The following LOXHD1 variants were observed in gnomAD, a reference collection of about 807,000 sequenced individuals.
LOXHD1 encodes lipoxygenase homology domain-containing protein 1.
A neutral mutation model predicts 248.2 loss-of-function variants in LOXHD1; 205 were observed. The observed-to-expected ratio is 0.83, with a 90% CI of 0.74 to 0.93. The LOEUF (loss-of-function observed/expected upper bound fraction) is 0.93. Among genes scored for constraint, LOXHD1 ranks in the 40% least tolerant of loss-of-function variants. LOXHD1 has a pLI of 0.00. For synonymous variants in LOXHD1, 1,113 were observed against 1,162.8 expected, an observed-to-expected ratio of 0.96 and a Z score of 0.87; for missense variants, 2,930 against 2,971.6, an observed-to-expected ratio of 0.99 and a Z score of 0.33.
chr18:46,620,527 G>T lies in LOXHD1; in HGVS notation c.512-2237C>A, dbSNP rs79688924. 4.6e-3 allele frequency among the ~76,000 whole-genome samples: 696 copies of T among 152,274 alleles called. 19 individuals carry two copies. The East Asian group carries it at 0.07, about 15-fold the overall frequency. On this transcript the variant is annotated intron_variant, in intron 4 of 40. Transcript: ENST00000642948. Reference sequence around the variant, plus strand: ...TCCAGAAGGCAGAATTCTAATTAGCGAGTTGAGTTATAAAGCAGATTTTCA... The same window carrying T: ...TCCAGAAGGCAGAATTCTAATTAGCTAGTTGAGTTATAAAGCAGATTTTCA...
chr18:46,504,873 T>C (rs966466616), intron 37 of LOXHD1, among the ~76,000 whole-genome samples: 1 of 152,060 alleles, frequency 6.6e-6, no homozygotes, highest in Admixed American at 6.5e-5. Flanking sequence ...GACAAAAGGG[T>C]GAATGAAGAA....
chr18:46,542,077 C>G, intron 24 of LOXHD1, 137 bp from the exon 25 acceptor site: 1 of 807,286 alleles, frequency 1.2e-6, no homozygotes, highest in South Asian at 2.0e-5. Flanking sequence ...TTGCTTGCAG[C>G]ATTGCTAAAG....
At chr18:46,626,095 T>C (rs531363305) in intron 4 of LOXHD1, among the ~76,000 whole-genome samples, 1 of 152,334 alleles carries the variant, frequency 6.6e-6, no homozygotes, top group South Asian at 2.1e-4. Flanking sequence ...CATTAGTTTA[T>C]ACTAAGGGAG....
At chr18:46,518,323 G>T in intron 33 of LOXHD1, 67 bp from the exon 34 acceptor site, 1 of 1,516,584 alleles carries the variant, frequency 6.6e-7, no homozygotes, top group Non-Finnish European at 8.9e-7. Context: ...ACCTGCCTCA[G>T]TCTCACCAGA....
At position 46,577,576 on chromosome 18, in the gene LOXHD1, T is replaced by C; in HGVS notation, c.1970+131A>G. 6 of 1,055,448 alleles carry C rather than the reference T, an allele frequency of 5.7e-6. No homozygotes were observed. In the South Asian group the frequency reaches 1.0e-4, roughly 18 times the overall value. 65.4% of individuals were successfully genotyped at this position (1,055,448 alleles called of 1,614,324 possible). On this transcript the variant is annotated intron_variant, in intron 14 of 40. Transcript: ENST00000642948. ...TCTAAGCACCACCAGCGAGGTCACC[T>C]CTTTCTTGCACCAGCTATAGCCTTA...
Position 46,489,105 on chromosome 18 carries a change from C to T in LOXHD1, c.5916G>A (p.Val1972=). The change falls in exon 38 of 41, where the codon GTG becomes GTA. Residue 1972 remains valine (V), a synonymous_variant. Coordinates refer to ENST00000642948, the MANE Select transcript of LOXHD1 (RefSeq NM_001384474.1). ...AGGTCTCGTCGCGGGAGTTGTCCTTCACATCGACATAGCTCAGATGCCAGC... is the reference window on the plus strand; with the variant it reads ...AGGTCTCGTCGCGGGAGTTGTCCTTTACATCGACATAGCTCAGATGCCAGC... The part of the protein sequence containing the change: ...FPGWHLSYVD[V]KDNSRDETFH... 6.4e-7 allele frequency: 1 copy of T among 1,551,710 alleles called. No individual in the cohort carries two copies. The highest frequency in any genetic ancestry group is 1.2e-5 in the South Asian group (1 of 84,060).
intron 12 of LOXHD1, among the ~76,000 whole-genome samples, chr18:46,583,456 A>G (rs946829475): frequency 2.6e-5 from 4 of 152,170 alleles, no homozygotes; most frequent in African/African-American, 9.6e-5. Context: ...TAGAATATAT[A>G]AGAAAATTAA....
chr18:46,581,501 G>A (rs761392934), intron 12 of LOXHD1, among the ~76,000 whole-genome samples: 13 of 152,154 alleles, frequency 8.5e-5, no homozygotes, highest in Non-Finnish European at 1.9e-4. Context: ...GATGGCAGCT[G>A]AATATGTGTC....
chr18:46,590,173 T>C (rs931438409), intron 12 of LOXHD1, among the ~76,000 whole-genome samples: 13 of 152,034 alleles, frequency 8.6e-5, no homozygotes, highest in Non-Finnish European at 1.3e-4. Context: ...GTAAATTTGT[T>C]AGGCAAGCAG....
chr18:46,519,932 G>A (rs971693545), intron 33 of LOXHD1, among the ~76,000 whole-genome samples: 8 of 152,188 alleles, frequency 5.3e-5, no homozygotes, highest in African/African-American at 1.9e-4. Flanking sequence ...CATGGATAAC[G>A]GGTGTAGGTC....
At chr18:46,500,350 C>T (rs1189128155) in intron 37 of LOXHD1, among the ~76,000 whole-genome samples, 2 of 152,182 alleles carry the variant, frequency 1.3e-5, no homozygotes, top group Non-Finnish European at 2.9e-5. Flanking sequence ...GTCACTCAGG[C>T]CTTCAAATTA....
intron 12 of LOXHD1, among the ~76,000 whole-genome samples, chr18:46,588,517 C>G (rs905019548): frequency 6.6e-6 from 1 of 152,172 alleles, no homozygotes; most frequent in Non-Finnish European, 1.5e-5. Context: ...TAGAGATGCT[C>G]TTCCTTGCCA....
At chr18:46,573,553 G>A (rs2037797016) in intron 14 of LOXHD1, among the ~76,000 whole-genome samples, 1 of 152,152 alleles carries the variant, frequency 6.6e-6, no homozygotes, top group South Asian at 2.1e-4. Context: ...TTACCCTACT[G>A]AGAGGGAGGC....
chr18:46,531,408 C>T (rs1208154950), intron 28 of LOXHD1, among the ~76,000 whole-genome samples: 1 of 152,048 alleles, frequency 6.6e-6, no homozygotes, highest in Admixed American at 6.5e-5. Context: ...GACGGTCTCC[C>T]CCCTCATTTT....
At chr18:46,506,229 C>T (rs1452892729) in intron 36 of LOXHD1, among the ~76,000 whole-genome samples, 1 of 152,178 alleles carries the variant, frequency 6.6e-6, no homozygotes, top group African/African-American at 2.4e-5. Flanking sequence ...TTGTGCCTTA[C>T]AAAAGCTTTT....
intron 21 of LOXHD1, chr18:46,555,126 C>A (rs200202296): frequency 1.0e-3 from 489 of 471,082 alleles, no homozygotes; most frequent in Non-Finnish European, 1.8e-3. Context: ...ATTACTAACC[C>A]TGATGGAGCT....
rs1458892394 is a variant in LOXHD1 at position 46,649,247 on chromosome 18, C to T, written c.153G>A (p.Thr51=). The part of the protein sequence containing the change: ...KARVYEVVTA[T]GDVRGAGTDA... ...CCGTCCCTGCACCGCGAACATCCCC[C>T]GTGGCTGTGACCACTTCATACACTG... Residue 51 remains threonine (T), a synonymous_variant, in exon 2 of 41, where the codon ACG becomes ACA. Transcript: ENST00000642948. 18 of 1,551,860 alleles carry T rather than the reference C, an allele frequency of 1.2e-5. No homozygotes were observed. The highest frequency in any genetic ancestry group is 4.9e-5 in the East Asian group (2 of 40,912).
chr18:46,587,089 C>A (rs750994279), intron 12 of LOXHD1, among the ~76,000 whole-genome samples: 22 of 152,126 alleles, frequency 1.4e-4, no homozygotes, highest in Non-Finnish European at 2.2e-4. Flanking sequence ...TCCTGCCTAC[C>A]AATATTGTCT....
intron 28 of LOXHD1, among the ~76,000 whole-genome samples, chr18:46,530,100 A>T (rs1171556251): frequency 6.6e-6 from 1 of 152,122 alleles, no homozygotes; most frequent in African/African-American, 2.4e-5. Context: ...ATTTTTATGA[A>T]GGCTAAAAAT....
Sources: gnomAD v4.1 joint callset for allele counts (sites outside exome capture counted in the v4.1 genomes callset) on GRCh38, gnomAD v4.1.1 for gene constraint, MANE v1.5 for transcripts, NCBI Gene and HGNC (gene_info 2026-07-23, HGNC 2026-07-21) for gene names.